CDH18: variants seen among roughly 807,000 people sequenced by gnomAD.
CDH18 encodes cadherin 18, also known as cadherin-18.
CDH18 carries 31 observed loss-of-function variants against 67.9 expected under a neutral mutation model. The observed-to-expected ratio is 0.46, with a 90% confidence interval of 0.34 to 0.62. The LOEUF (loss-of-function observed/expected upper bound fraction) is 0.62, where lower values mean the gene tolerates loss of function less well. CDH18 is among the 20% of genes least tolerant of loss of function. The pLI, the probability that CDH18 is intolerant of heterozygous loss-of-function variation, is 0.01. For synonymous variants in CDH18, 362 were observed against 347.2 expected, an observed-to-expected ratio of 1.04 and a Z score of -0.48; for missense variants, 890 against 975.5, an observed-to-expected ratio of 0.91 and a Z score of 1.17.
At chr5:19,789,445 T>C (rs1776140418) in intron 3 of CDH18, among the ~76,000 whole-genome samples, 1 of 152,150 alleles carries the variant, frequency 6.6e-6, no homozygotes, top group South Asian at 2.1e-4. Context: ...AACTCAAATT[T>C]ATAATTTCAG....
At chr5:19,516,784 C>T (rs1746083496) in intron 10 of CDH18, among the ~76,000 whole-genome samples, 1 of 150,000 alleles carries the variant, frequency 6.7e-6, no homozygotes, top group African/African-American at 2.5e-5. Context: ...TTTTGTTGAT[C>T]TTTTCAAAAA....
chr5:20,522,533 G>A (rs999737070), intron 1 of CDH18, among the ~76,000 whole-genome samples: 3 of 152,090 alleles, frequency 2.0e-5, no homozygotes, highest in Non-Finnish European at 4.4e-5. Context: ...ATAATAGTGA[G>A]GATAATATAT....
chr5:20,309,923 T>C (rs1476302762), intron 1 of CDH18, among the ~76,000 whole-genome samples: 2 of 152,232 alleles, frequency 1.3e-5, no homozygotes, highest in African/African-American at 2.4e-5. Flanking sequence ...ATGTTTCTTT[T>C]GTTTCACTGA....
intron 2 of CDH18, among the ~76,000 whole-genome samples, chr5:20,107,451 G>T (rs1003741125): frequency 6.6e-6 from 1 of 152,134 alleles, no homozygotes; most frequent in Admixed American, 6.5e-5. Flanking sequence ...ATTATTTCAG[G>T]TATCTGATCA....
In CDH18 at chr5:19,624,018, T is replaced by TATG. The variant is rs998373414; in HGVS notation, c.644-11418_644-11417insCAT. On this transcript the variant is annotated intron_variant, in intron 5 of 12. Transcript: ENST00000382275. ...TTATTATTATTATTATTATTATTAT[T>TATG]ATTATTGAGATGGAGTTTCACTCTT... is the stretch of plus-strand genomic sequence containing the variant. Among the ~76,000 whole-genome samples, 20 of 148,356 alleles carry TATG rather than the reference T, an allele frequency of 1.3e-4. No homozygotes were observed. The East Asian group carries it at 3.7e-3, about 28-fold the overall frequency.
At chr5:20,517,230 C>A (rs576223866) in intron 1 of CDH18, among the ~76,000 whole-genome samples, 70 of 151,522 alleles carry the variant, frequency 4.6e-4, no homozygotes, top group Admixed American at 1.2e-3. Context: ...AATTTTAAAT[C>A]ATGAATAGAG....
At chr5:19,939,766 T>C (rs1277522434) in intron 2 of CDH18, among the ~76,000 whole-genome samples, 1 of 151,872 alleles carries the variant, frequency 6.6e-6, no homozygotes, top group Non-Finnish European at 1.5e-5. Flanking sequence ...GGTGATCATT[T>C]CGATTTGTTA....
chr5:20,463,412 G>A (rs916513511), intron 1 of CDH18, among the ~76,000 whole-genome samples: 13 of 152,070 alleles, frequency 8.5e-5, no homozygotes, highest in African/African-American at 2.2e-4. Flanking sequence ...CCGAGACTGG[G>A]TAATTTATAA....
chr5:19,584,793 CAAAAAAAAAAA>C (rs61297842), intron 7 of CDH18, among the ~76,000 whole-genome samples: 4 of 75,134 alleles, frequency 5.3e-5, no homozygotes, highest in Admixed American at 3.8e-4. Flanking sequence ...ACTAAAAATA[CAAAAAAAAAAA>C]AAAAAAAAGA....
intron 3 of CDH18, among the ~76,000 whole-genome samples, chr5:19,779,231 A>T (rs907573246): frequency 6.6e-6 from 1 of 152,196 alleles, no homozygotes; most frequent in Non-Finnish European, 1.5e-5. Context: ...TACAATGTGT[A>T]CATCTATAAT....
chr5:20,554,763 G>T (rs900086028), intron 1 of CDH18, among the ~76,000 whole-genome samples: 1 of 152,142 alleles, frequency 6.6e-6, no homozygotes, highest in Non-Finnish European at 1.5e-5. Flanking sequence ...TCTGAGGTTA[G>T]GTCATAAAAA....
chr5:20,281,945 AT>A, intron 1 of CDH18, among the ~76,000 whole-genome samples: 1 of 152,026 alleles, frequency 6.6e-6, no homozygotes, highest in East Asian at 1.9e-4. Flanking sequence ...TGTAAGTTGG[AT>A]TCCTAGGTCT....
intron 6 of CDH18, among the ~76,000 whole-genome samples, chr5:19,592,475 A>G (rs1319811058): frequency 6.6e-6 from 1 of 152,098 alleles, no homozygotes; most frequent in East Asian, 1.9e-4. Context: ...ATTAAAATGT[A>G]ATTTGATAAA....
chr5:20,211,680 CCTGA>C (rs1740367051), intron 2 of CDH18, among the ~76,000 whole-genome samples: 1 of 152,250 alleles, frequency 6.6e-6, no homozygotes, highest in East Asian at 1.9e-4. Context: ...AGCTGAGAGT[CCTGA>C]CTGTTAGAAG....
chr5:19,626,899 ATATAAT>A (rs1308019701), intron 5 of CDH18, among the ~76,000 whole-genome samples: 3 of 152,180 alleles, frequency 2.0e-5, no homozygotes, highest in Non-Finnish European at 2.9e-5. Flanking sequence ...TGGCTCATAG[ATATAAT>A]TATAATTAAA....
At chr5:20,208,607 T>C (rs1740101202) in intron 2 of CDH18, among the ~76,000 whole-genome samples, 1 of 152,078 alleles carries the variant, frequency 6.6e-6, no homozygotes, top group African/African-American at 2.4e-5. Context: ...GACTGGAAAC[T>C]ATGAAACTAC....
chr5:20,501,561 ATATATATAAT>A (rs1561069243), intron 1 of CDH18, among the ~76,000 whole-genome samples: 14 of 31,850 alleles, frequency 4.4e-4, no homozygotes, highest in Admixed American at 1.1e-3. Context: ...TATATAATAT[ATATATATAAT>A]ATATATATAT....
At chr5:20,203,241 T>C (rs1198867157) in intron 2 of CDH18, among the ~76,000 whole-genome samples, 2 of 152,090 alleles carry the variant, frequency 1.3e-5, no homozygotes, top group African/African-American at 2.4e-5. Context: ...GTGGGAAGCA[T>C]TGCAAGTGTT....
intron 2 of CDH18, among the ~76,000 whole-genome samples, chr5:20,194,937 T>C (rs1471687761): frequency 6.6e-6 from 1 of 152,132 alleles, no homozygotes; most frequent in African/African-American, 2.4e-5. Flanking sequence ...AGATTCTGTT[T>C]CAATTTTTTA....
Sources: allele counts gnomAD v4.1 joint callset (sites outside exome capture counted in the v4.1 genomes callset), GRCh38; gene constraint gnomAD v4.1.1; transcripts MANE v1.5; gene names NCBI Gene and HGNC (gene_info 2026-07-23, HGNC 2026-07-21).